LRRC4C: variants seen among roughly 807,000 people sequenced by gnomAD.
LRRC4C encodes the protein leucine rich repeat containing 4C.
In LRRC4C, 5 loss-of-function variants were observed where a neutral mutation model predicts 33.6. The observed-to-expected ratio is 0.15, with a 90% CI of 0.08 to 0.31. The LOEUF is 0.31. Ranked by LOEUF, LRRC4C falls within the 10% of genes least tolerant of loss-of-function variation. The pLI is 1.00. For missense variants in LRRC4C, 560 were observed against 796.7 expected (o/e 0.70, Z 3.58); for synonymous variants, 329 against 302.0 (o/e 1.09, Z -0.93).
intron 3 of LRRC4C, among the ~76,000 whole-genome samples, chr11:40,427,049 A>T (rs1017408066): frequency 5.9e-5 from 9 of 152,232 alleles, no homozygotes; most frequent in Non-Finnish European, 7.3e-5. Flanking sequence ...ATATTTAAGT[A>T]AAAACATGGC....
chr11:41,133,684 A>G (rs1462003612), intron 1 of LRRC4C, among the ~76,000 whole-genome samples: 2 of 152,130 alleles, frequency 1.3e-5, no homozygotes, highest in Non-Finnish European at 2.9e-5. Context: ...ACTCTTTGTG[A>G]CAATAAAGTA....
At chr11:40,790,853 G>A (rs1205146306) in intron 2 of LRRC4C, among the ~76,000 whole-genome samples, 3 of 152,116 alleles carry the variant, frequency 2.0e-5, no homozygotes, top group Non-Finnish European at 4.4e-5. Context: ...TAATCATAAT[G>A]GATCTTAAAA....
At chr11:40,685,090 A>G (rs972668816) in intron 2 of LRRC4C, among the ~76,000 whole-genome samples, 1 of 152,104 alleles carries the variant, frequency 6.6e-6, no homozygotes, top group African/African-American at 2.4e-5. Flanking sequence ...ACTCAGAAAA[A>G]TTGTAACTAA....
At chr11:41,016,632 T>A (rs180674901) in intron 1 of LRRC4C, among the ~76,000 whole-genome samples, 1 of 152,288 alleles carries the variant, frequency 6.6e-6, no homozygotes, top group Admixed American at 6.5e-5. Flanking sequence ...TCCTAGAGGA[T>A]GCAGGTCCAG....
At chr11:40,713,191 G>A (rs914308772) in intron 2 of LRRC4C, among the ~76,000 whole-genome samples, 2 of 151,910 alleles carry the variant, frequency 1.3e-5, no homozygotes, top group African/African-American at 4.8e-5. Context: ...ACTGTGCCCG[G>A]CCATTATTTC....
intron 2 of LRRC4C, among the ~76,000 whole-genome samples, chr11:40,718,227 A>C (rs1946830431): frequency 2.6e-5 from 4 of 152,190 alleles, no homozygotes; most frequent in African/African-American, 9.6e-5. Flanking sequence ...ATCATCTGAC[A>C]ATGTCTGAAG....
chr11:41,386,520 T>C (rs1716296081), intron 1 of LRRC4C, among the ~76,000 whole-genome samples: 1 of 151,684 alleles, frequency 6.6e-6, no homozygotes, highest in African/African-American at 2.4e-5. Context: ...CCTTTTCCTG[T>C]ACATGACTTT....
At chr11:41,153,382 C>T (rs1944086685) in intron 1 of LRRC4C, among the ~76,000 whole-genome samples, 1 of 152,014 alleles carries the variant, frequency 6.6e-6, no homozygotes, top group African/African-American at 2.4e-5. Context: ...ACTGTTTACT[C>T]AATAAATATG....
At chr11:40,232,084 G>A (rs1281253350) in intron 5 of LRRC4C, among the ~76,000 whole-genome samples, 1 of 152,150 alleles carries the variant, frequency 6.6e-6, no homozygotes, top group Admixed American at 6.6e-5. Flanking sequence ...TGGGCTCGCT[G>A]CAACCTCTGC....
intron 1 of LRRC4C, among the ~76,000 whole-genome samples, chr11:41,360,718 CA>C (rs1952325809): frequency 6.6e-6 from 1 of 152,034 alleles, no homozygotes; most frequent in East Asian, 1.9e-4. Context: ...GGAATTTAAA[CA>C]AAAGAAATAA....
At chr11:41,170,220 C>A (rs1355788151) in intron 1 of LRRC4C, among the ~76,000 whole-genome samples, 1 of 152,148 alleles carries the variant, frequency 6.6e-6, no homozygotes, top group Non-Finnish European at 1.5e-5. Context: ...CATCAAGCTA[C>A]CAAAGACTTT....
chr11:40,384,004 A>T (rs190615075), intron 3 of LRRC4C, among the ~76,000 whole-genome samples: 52 of 150,120 alleles, frequency 3.5e-4, no homozygotes, highest in African/African-American at 1.2e-3. Context: ...TTAATCCTTT[A>T]TCAGATTTAC....
At chr11:40,218,005 A>G (rs1232432333) in intron 5 of LRRC4C, among the ~76,000 whole-genome samples, 1 of 152,166 alleles carries the variant, frequency 6.6e-6, no homozygotes, top group Non-Finnish European at 1.5e-5. Context: ...GAAAAAGTCA[A>G]AATCTCAAAT....
At chr11:40,303,925 T>C (rs1944903954) in intron 4 of LRRC4C, among the ~76,000 whole-genome samples, 1 of 152,204 alleles carries the variant, frequency 6.6e-6, no homozygotes, top group Non-Finnish European at 1.5e-5. Context: ...CATAAACCAA[T>C]TGTCTTAAAC....
At chr11:40,269,244 A>C (rs1429694743) in intron 4 of LRRC4C, among the ~76,000 whole-genome samples, 4 of 152,194 alleles carry the variant, frequency 2.6e-5, no homozygotes, top group Non-Finnish European at 5.9e-5. Flanking sequence ...TATTTAGCTT[A>C]AACAGTGTTC....
At chr11:40,658,574 G>A (rs1943252435) in intron 2 of LRRC4C, among the ~76,000 whole-genome samples, 1 of 152,174 alleles carries the variant, frequency 6.6e-6, no homozygotes, top group Admixed American at 6.5e-5. Flanking sequence ...ATGAGTCTAA[G>A]TGTGGGTGTG....
chr11:40,546,072 TCCTTCCTTCCTA>T (rs1260605548), intron 3 of LRRC4C, among the ~76,000 whole-genome samples: 209 of 116,030 alleles, frequency 1.8e-3, no homozygotes, highest in South Asian at 2.8e-3. Context: ...CTTCCTTCCT[TCCTTCCTTCCTA>T]CCTTCCTTCC....
At chr11:41,425,446 T>TG (rs1955007466) in intron 1 of LRRC4C, among the ~76,000 whole-genome samples, 1 of 152,104 alleles carries the variant, frequency 6.6e-6, no homozygotes, top group South Asian at 2.1e-4. Context: ...AAAGGGCCTC[T>TG]GGCTGAGTAA....
chr11:41,365,984 C>T (rs962049724), intron 1 of LRRC4C, among the ~76,000 whole-genome samples: 16 of 152,082 alleles, frequency 1.1e-4, no homozygotes, highest in African/African-American at 3.6e-4. Context: ...GAGTAGGATT[C>T]AGTGAGACAA....
Sources: allele counts gnomAD v4.1 joint callset (sites outside exome capture counted in the v4.1 genomes callset), GRCh38; gene constraint gnomAD v4.1.1; transcripts MANE v1.5; gene names NCBI Gene and HGNC (gene_info 2026-07-23, HGNC 2026-07-21).